The following SLC25A26 variants were observed in gnomAD, a reference collection of about 807,000 sequenced individuals.
SLC25A26 encodes mitochondrial S-adenosylmethionine carrier protein.
A neutral mutation model predicts 37.8 loss-of-function variants in SLC25A26; 36 were observed. The ratio of observed to expected loss-of-function variants is 0.95; its 90% CI spans 0.73 to 1.26. SLC25A26 has a LOEUF of 1.26. SLC25A26 is among the 50% of genes most tolerant of loss of function. The pLI is 0.00. For synonymous variants in SLC25A26, 129 were observed against 122.5 expected, an observed-to-expected ratio of 1.05 and a Z score of -0.35; for missense variants, 390 against 331.1, an observed-to-expected ratio of 1.18 and a Z score of -1.38.
chr3:66,145,247 A>T (rs990487984), intron 1 of SLC25A26, among the ~76,000 whole-genome samples: 1 of 152,226 alleles, frequency 6.6e-6, no homozygotes, highest in Non-Finnish European at 1.5e-5. Context: ...GATTACATGG[A>T]GTCTGAACGG....
upstream of SLC25A26, chr3:66,220,994 T>A: frequency 7.6e-7 from 1 of 1,318,988 alleles, no homozygotes; most frequent in Non-Finnish European, 1.1e-6. Context: ...TCCCGGAAGT[T>A]CAAGACAGAC....
intron 6 of SLC25A26, 43 bp from the exon 7 acceptor site, chr3:66,362,817 C>A: frequency 7.0e-7 from 1 of 1,428,202 alleles, no homozygotes; most frequent in Non-Finnish European, 9.5e-7. Flanking sequence ...CCGATAAATT[C>A]AAATATTTAA....
intron 3 of SLC25A26, among the ~76,000 whole-genome samples, chr3:66,247,367 G>T (rs1336996336): frequency 1.3e-5 from 2 of 152,164 alleles, no homozygotes; most frequent in African/African-American, 4.8e-5. Context: ...GAAGAGCAGT[G>T]ATGTGGTCAT....
intron 5 of SLC25A26, among the ~76,000 whole-genome samples, chr3:66,276,200 C>T (rs2074139585): frequency 6.6e-6 from 1 of 151,994 alleles, no homozygotes; most frequent in Admixed American, 6.6e-5. Context: ...TTTCCTAATC[C>T]TTAAACTGTA....
chr3:66,374,049 T>C (rs1700497070), intron 9 of SLC25A26, among the ~76,000 whole-genome samples: 1 of 152,136 alleles, frequency 6.6e-6, no homozygotes, highest in Admixed American at 6.5e-5. Flanking sequence ...ACTGTTGGCA[T>C]ACTTGACCAT....
chr3:66,183,496 C>G (rs2070756554), intron 1 of SLC25A26, among the ~76,000 whole-genome samples: 1 of 152,068 alleles, frequency 6.6e-6, no homozygotes, highest in Non-Finnish European at 1.5e-5. Flanking sequence ...CTGACCCTCA[C>G]ACTTACCCTC....
chr3:66,351,225 A>G (rs190760135), intron 6 of SLC25A26, among the ~76,000 whole-genome samples: 7 of 152,294 alleles, frequency 4.6e-5, no homozygotes, highest in Admixed American at 3.9e-4. Context: ...TTATTGCAGA[A>G]TACTTGCTCC....
chr3:66,257,239 T>A (rs1374167123), intron 3 of SLC25A26, among the ~76,000 whole-genome samples: 1 of 151,872 alleles, frequency 6.6e-6, no homozygotes, highest in Non-Finnish European at 1.5e-5. Context: ...AATAAGGACC[T>A]AAAAAGATAC....
At chr3:66,194,298 C>T (rs2071001825) in intron 1 of SLC25A26, among the ~76,000 whole-genome samples, 1 of 152,128 alleles carries the variant, frequency 6.6e-6, no homozygotes, top group African/African-American at 2.4e-5. Context: ...AAAGCTATTC[C>T]ATGCTGGGTT....
At chr3:66,241,608 G>A (rs974357210) in intron 2 of SLC25A26, among the ~76,000 whole-genome samples, 2 of 152,154 alleles carry the variant, frequency 1.3e-5, no homozygotes, top group African/African-American at 4.8e-5. Context: ...CAGTGAATGG[G>A]AGATGCTAGG....
chr3:66,135,607 A>T (rs768391088), intron 1 of SLC25A26, among the ~76,000 whole-genome samples: 7 of 152,162 alleles, frequency 4.6e-5, no homozygotes, highest in East Asian at 1.9e-4. Flanking sequence ...TTCTTTACCA[A>T]AAATAAAAAA....
intron 3 of SLC25A26, among the ~76,000 whole-genome samples, chr3:66,256,142 A>G (rs1371256617): frequency 1.3e-5 from 2 of 151,972 alleles, no homozygotes; most frequent in Non-Finnish European, 2.9e-5. Context: ...GAGTTAGTAT[A>G]CCCTTTTCTT....
chr3:66,282,839 G>A (rs976631223), intron 5 of SLC25A26, among the ~76,000 whole-genome samples: 17 of 152,118 alleles, frequency 1.1e-4, no homozygotes, highest in Admixed American at 7.9e-4. Context: ...GCTAGCCGAT[G>A]CATACCCATT....
intron 1 of SLC25A26, among the ~76,000 whole-genome samples, chr3:66,154,655 T>C (rs1189380303): frequency 1.3e-5 from 2 of 151,788 alleles, no homozygotes; most frequent in African/African-American, 2.4e-5. Context: ...TTAATTTTTG[T>C]TATTTTTAGT....
At chr3:66,260,727 A>T (rs2073495782) in intron 3 of SLC25A26, among the ~76,000 whole-genome samples, 1 of 152,216 alleles carries the variant, frequency 6.6e-6, no homozygotes, top group African/African-American at 2.4e-5. Flanking sequence ...GGAGTTGGCA[A>T]GCTGTCACCT....
intron 5 of SLC25A26, among the ~76,000 whole-genome samples, chr3:66,337,976 A>G (rs1296048975): frequency 2.6e-5 from 4 of 152,052 alleles, no homozygotes; most frequent in Non-Finnish European, 5.9e-5. Context: ...ATAGTCGTGT[A>G]ATCCCCATAT....
chr3:66,210,877 C>G (rs1243594964), intron 1 of SLC25A26, among the ~76,000 whole-genome samples: 2 of 152,182 alleles, frequency 1.3e-5, no homozygotes, highest in Non-Finnish European at 2.9e-5. Flanking sequence ...GGAGACGTGA[C>G]TGGCGAGCTA....
intron 5 of SLC25A26, among the ~76,000 whole-genome samples, chr3:66,328,570 C>T (rs1286972827): frequency 3.3e-5 from 5 of 152,134 alleles, no homozygotes; most frequent in Non-Finnish European, 7.4e-5. Flanking sequence ...TTTAACAGTA[C>T]CTCCATTCAT....
At chr3:66,281,631 C>T (rs902227691) in intron 5 of SLC25A26, among the ~76,000 whole-genome samples, 1 of 152,122 alleles carries the variant, frequency 6.6e-6, no homozygotes, top group Non-Finnish European at 1.5e-5. Context: ...TTTAAAGTGA[C>T]AGTTCAAGGG....
Sources: allele counts gnomAD v4.1 joint callset (sites outside exome capture counted in the v4.1 genomes callset), GRCh38; gene constraint gnomAD v4.1.1; transcripts MANE v1.5; gene names NCBI Gene and HGNC (gene_info 2026-07-23, HGNC 2026-07-21).